Variants in NRXN1 observed in about 807,000 individuals in gnomAD.
NRXN1 encodes the protein neurexin-1.
NRXN1 carries 39 observed loss-of-function variants against 150.9 expected under a neutral mutation model. That is an observed-to-expected ratio of 0.26 (90% CI 0.20 to 0.34). NRXN1 has a LOEUF of 0.34. Ranked by LOEUF, NRXN1 falls within the 10% of genes least tolerant of loss-of-function variation. The pLI, the probability that NRXN1 is intolerant of heterozygous loss-of-function variation, is 1.00. For synonymous variants in NRXN1, 924 were observed against 757.0 expected (o/e 1.22, Z -3.62); for missense variants, 1,815 against 1,949.9 (o/e 0.93, Z 1.30).
chr2:50,235,891 C>T (rs2065370057), intron 18 of NRXN1, among the ~76,000 whole-genome samples: 1 of 151,976 alleles, frequency 6.6e-6, no homozygotes, highest in Admixed American at 6.6e-5. Flanking sequence ...AATAAGAACC[C>T]TTTAGAAAAG....
At chr2:50,095,203 C>T (rs1319850669) in intron 18 of NRXN1, among the ~76,000 whole-genome samples, 1 of 152,182 alleles carries the variant, frequency 6.6e-6, no homozygotes, top group Non-Finnish European at 1.5e-5. Flanking sequence ...CTTTTTATGT[C>T]TAAAAGTGAA....
intron 2 of NRXN1, among the ~76,000 whole-genome samples, chr2:50,945,309 AC>A (rs768759005): frequency 6.6e-6 from 1 of 152,098 alleles, no homozygotes; most frequent in Non-Finnish European, 1.5e-5. Flanking sequence ...CCACATCTCT[AC>A]AAAAATTAGC....
intron 18 of NRXN1, among the ~76,000 whole-genome samples, chr2:50,200,435 C>A (rs763947403): frequency 2.2e-4 from 34 of 152,038 alleles, no homozygotes; most frequent in Non-Finnish European, 4.9e-4. Context: ...TGACCTAAAA[C>A]AGAGAAGAAT....
intron 17 of NRXN1, among the ~76,000 whole-genome samples, chr2:50,444,957 A>C (rs949080283): frequency 2.0e-5 from 3 of 152,094 alleles, no homozygotes; most frequent in African/African-American, 7.2e-5. Context: ...TAAATTTAAC[A>C]CTCAGGCAAG....
At chr2:50,441,231 T>A (rs532203766) in intron 17 of NRXN1, among the ~76,000 whole-genome samples, 6 of 152,190 alleles carry the variant, frequency 3.9e-5, no homozygotes, top group Non-Finnish European at 8.8e-5. Flanking sequence ...TAGCCACTTG[T>A]CTTAGGGGTC....
At chr2:49,975,297 T>C (rs368169071) in intron 21 of NRXN1, among the ~76,000 whole-genome samples, 39 of 152,134 alleles carry the variant, frequency 2.6e-4, no homozygotes, top group African/African-American at 8.2e-4. Context: ...GGCACTTTTA[T>C]TGCTTTTCAT....
chr2:50,526,397 G>A (rs1246944061), intron 12 of NRXN1, among the ~76,000 whole-genome samples: 2 of 152,100 alleles, frequency 1.3e-5, no homozygotes, highest in Admixed American at 1.3e-4. Context: ...TTTAATAAAC[G>A]TACATTAATT....
At position 50,284,902 on chromosome 2, in the gene NRXN1, C is replaced by T. The variant is rs534557952; in HGVS notation, c.3365-47932G>A. The stretch of plus-strand genomic sequence containing the variant: ...TATAACAAAACCATTTTACCACAGG[C>T]TAATTGATTAAAAAAAGAGTTAAGT... On this transcript the variant is annotated intron_variant, in intron 17 of 22. Transcript: ENST00000401669. Among the ~76,000 whole-genome samples the T allele has an allele frequency of 7.9e-5, 12 of 152,088 alleles. No homozygotes were observed. The East Asian group carries it at 2.3e-3, about 29-fold the overall frequency.
intron 2 of NRXN1, among the ~76,000 whole-genome samples, chr2:50,951,621 G>T (rs1691350018): frequency 6.6e-6 from 1 of 151,902 alleles, no homozygotes; most frequent in African/African-American, 2.4e-5. Context: ...GTCACCAACT[G>T]TAACATCTCT....
At chr2:50,365,995 AC>A (rs1382164778) in intron 17 of NRXN1, among the ~76,000 whole-genome samples, 1 of 152,022 alleles carries the variant, frequency 6.6e-6, no homozygotes, top group African/African-American at 2.4e-5. Flanking sequence ...CAATAAAATA[AC>A]CTTAGAAGTA....
intron 5 of NRXN1, among the ~76,000 whole-genome samples, chr2:50,688,645 G>A (rs183967574): frequency 3.4e-4 from 52 of 152,260 alleles, no homozygotes; most frequent in Middle Eastern, 3.4e-3. Flanking sequence ...GATAGCATCC[G>A]TTATCTTCTC....
chr2:50,854,294 A>C (rs1393689267), intron 5 of NRXN1, among the ~76,000 whole-genome samples: 4 of 152,110 alleles, frequency 2.6e-5, no homozygotes, highest in African/African-American at 9.7e-5. Flanking sequence ...AAAATACGGA[A>C]TGTAACATCT....
At chr2:50,275,987 C>CAAAAAAAAAA (rs34672241) in intron 17 of NRXN1, among the ~76,000 whole-genome samples, 1 of 127,966 alleles carries the variant, frequency 7.8e-6, no homozygotes, top group South Asian at 2.4e-4. Context: ...TCCTACCTTG[C>CAAAAAAAAAA]AAAAAAAAAA....
chr2:50,591,189 C>T (rs1324950803), intron 8 of NRXN1, among the ~76,000 whole-genome samples: 3 of 151,888 alleles, frequency 2.0e-5, no homozygotes, highest in African/African-American at 7.3e-5. Context: ...AACATTTTAT[C>T]TGAGCTTGTT....
chr2:50,089,990 C>A (rs1317856794), intron 19 of NRXN1, among the ~76,000 whole-genome samples: 1 of 152,052 alleles, frequency 6.6e-6, no homozygotes, highest in African/African-American at 2.4e-5. Flanking sequence ...TGTGGTAATT[C>A]CCAAGACATC....
intron 8 of NRXN1, among the ~76,000 whole-genome samples, chr2:50,604,013 T>C (rs1676700031): frequency 6.6e-6 from 1 of 152,222 alleles, no homozygotes; most frequent in South Asian, 2.1e-4. Context: ...TGCTTGTGTT[T>C]GTATTTTGTA....
intron 5 of NRXN1, among the ~76,000 whole-genome samples, chr2:50,733,916 T>A (rs1423042593): frequency 6.6e-6 from 1 of 152,180 alleles, no homozygotes; most frequent in East Asian, 1.9e-4. Context: ...ATTCGTATAT[T>A]AGCATGTATA....
intron 17 of NRXN1, among the ~76,000 whole-genome samples, chr2:50,254,286 C>A (rs1277382979): frequency 6.9e-6 from 1 of 144,058 alleles, no homozygotes; most frequent in Non-Finnish European, 1.5e-5. Context: ...TTTATTGTGT[C>A]AATTTGATTA....
intron 5 of NRXN1, among the ~76,000 whole-genome samples, chr2:50,754,685 A>T (rs1044200668): frequency 6.6e-6 from 1 of 151,884 alleles, no homozygotes; most frequent in African/African-American, 2.4e-5. Flanking sequence ...CAGCTTTCCA[A>T]AAACTGAAAA....
Sources: gnomAD v4.1 joint callset for allele counts (sites outside exome capture counted in the v4.1 genomes callset) on GRCh38, gnomAD v4.1.1 for gene constraint, MANE v1.5 for transcripts, NCBI Gene and HGNC (gene_info 2026-07-23, HGNC 2026-07-21) for gene names.